Variants in LPP observed in about 807,000 individuals in gnomAD.
LPP encodes the protein lipoma-preferred partner.
A neutral mutation model predicts 60.4 loss-of-function variants in LPP; 38 were observed. The observed-to-expected ratio is 0.63, with a 90% CI of 0.49 to 0.83. LPP has a LOEUF of 0.83. Among genes scored for constraint, LPP ranks in the 40% least tolerant of loss-of-function variants. The pLI is 0.00. For synonymous variants in LPP, 328 were observed against 290.8 expected, an observed-to-expected ratio of 1.13 and a Z score of -1.30; for missense variants, 902 against 783.6, an observed-to-expected ratio of 1.15 and a Z score of -1.80.
At chr3:188,685,873 CTTATTTA>C (rs1287903207) in intron 7 of LPP, among the ~76,000 whole-genome samples, 1 of 152,094 alleles carries the variant, frequency 6.6e-6, no homozygotes, top group Non-Finnish European at 1.5e-5. Context: ...CCATTTATGA[CTTATTTA>C]TTATTTATCC....
intron 9 of LPP, among the ~76,000 whole-genome samples, chr3:188,852,625 C>G (rs1386604538): frequency 6.6e-6 from 1 of 152,198 alleles, no homozygotes; most frequent in African/African-American, 2.4e-5. Flanking sequence ...TCTTGACCTT[C>G]TGCCTTCTGC....
chr3:188,167,963 A>T (rs1195519215), intron 1 of LPP, among the ~76,000 whole-genome samples: 4 of 152,244 alleles, frequency 2.6e-5, no homozygotes. Context: ...ATTACTAAAA[A>T]AATTTCCCAA....
intron 1 of LPP, chr3:188,179,052 GA>G: frequency 3.2e-6 from 1 of 312,150 alleles, no homozygotes; most frequent in Non-Finnish European, 6.4e-6. Context: ...GAGAGAGAGA[GA>G]GAGAGAGAGA....
At chr3:188,439,106 A>T (rs1037660598) in intron 4 of LPP, among the ~76,000 whole-genome samples, 1 of 152,110 alleles carries the variant, frequency 6.6e-6, no homozygotes, top group Non-Finnish European at 1.5e-5. Context: ...TTGATTTATT[A>T]TTGTCATTTT....
intron 9 of LPP, among the ~76,000 whole-genome samples, chr3:188,801,936 A>G (rs1747393911): frequency 1.3e-5 from 2 of 152,214 alleles, no homozygotes; most frequent in African/African-American, 4.8e-5. Context: ...TTGAACGGTA[A>G]CTGCAGGAAT....
chr3:188,796,500 A>C (rs1745389870), intron 9 of LPP, among the ~76,000 whole-genome samples: 1 of 152,150 alleles, frequency 6.6e-6, no homozygotes, highest in Non-Finnish European at 1.5e-5. Context: ...AAGCAACATC[A>C]TGAGTAAGTG....
Position 188,361,510 on chromosome 3 carries a change from CCCTCTCCTCT to C in LPP, c.-10+19816_-10+19825del, listed in dbSNP as rs1335595790. ...TTTCTTCTCCTTTCCTTTTCCTTTTCCCTCTCCTCTCCTCTCCTCTCCTCTCCTCTCCTCC... is the reference window on the plus strand; with the variant it reads ...TTTCTTCTCCTTTCCTTTTCCTTTTCCCTCTCCTCTCCTCTCCTCTCCTCC... On this transcript the variant is annotated intron_variant, in intron 3 of 11. Transcript: ENST00000617246. 9.5e-3 allele frequency among the ~76,000 whole-genome samples: 786 copies of C among 82,710 alleles called. 11 individuals carry two copies. Among genetic ancestry groups the C allele is most frequent in the Middle Eastern group, 0.04 (5 of 124 alleles). The allele number at this position is 82,710 out of a possible 152,430, so 54.3% of individuals were successfully genotyped here.
chr3:188,605,181 A>C (rs1015524109), intron 6 of LPP, among the ~76,000 whole-genome samples: 1 of 152,200 alleles, frequency 6.6e-6, no homozygotes, highest in Admixed American at 6.6e-5. Flanking sequence ...CTCATTGAAA[A>C]ACAGTCGTGG....
intron 3 of LPP, among the ~76,000 whole-genome samples, chr3:188,386,408 A>G (rs140117728): frequency 1.3e-5 from 2 of 152,114 alleles, no homozygotes; most frequent in East Asian, 3.9e-4. Flanking sequence ...CTGGGACCTA[A>G]TTACAACCCC....
At chr3:188,291,866 CAA>C (rs1746102702) in intron 2 of LPP, among the ~76,000 whole-genome samples, 1 of 152,098 alleles carries the variant, frequency 6.6e-6, no homozygotes, top group Non-Finnish European at 1.5e-5. Flanking sequence ...GTTCTGGATG[CAA>C]ACCCAGAACA....
intron 4 of LPP, among the ~76,000 whole-genome samples, chr3:188,457,875 C>T (rs7631344): frequency 0.033 from 4,967 of 152,094 alleles, 292 homozygotes; most frequent in African/African-American, 0.12. Flanking sequence ...CGCCCCTGCA[C>T]TCCAGCCTGG....
chr3:188,442,056 T>A (rs1298998289), intron 4 of LPP, among the ~76,000 whole-genome samples: 1 of 152,184 alleles, frequency 6.6e-6, no homozygotes, highest in African/African-American at 2.4e-5. Context: ...GGGCACTAGG[T>A]GCTTAGCAAT....
chr3:188,558,704 A>G (rs987069439), intron 6 of LPP, among the ~76,000 whole-genome samples: 1 of 152,114 alleles, frequency 6.6e-6, no homozygotes, highest in African/African-American at 2.4e-5. Flanking sequence ...TAGCATTACC[A>G]TGACTGACAG....
intron 1 of LPP, among the ~76,000 whole-genome samples, chr3:188,162,660 G>A (rs192993173): frequency 2.6e-5 from 4 of 152,268 alleles, no homozygotes; most frequent in Admixed American, 2.6e-4. Flanking sequence ...GAACATCCCT[G>A]AGCCTAAATT....
intron 6 of LPP, among the ~76,000 whole-genome samples, chr3:188,594,846 C>T (rs1450794910): frequency 6.6e-6 from 1 of 152,206 alleles, no homozygotes; most frequent in Admixed American, 6.5e-5. Context: ...TCTGTATTGA[C>T]ACCACTCATA....
At chr3:188,501,085 A>G (rs886630609) in intron 5 of LPP, among the ~76,000 whole-genome samples, 4 of 151,890 alleles carry the variant, frequency 2.6e-5, no homozygotes, top group African/African-American at 9.7e-5. Flanking sequence ...CCCTTCTGGT[A>G]GATTTGGGTA....
intron 8 of LPP, among the ~76,000 whole-genome samples, chr3:188,716,615 T>C (rs1306529635): frequency 6.6e-6 from 1 of 152,156 alleles, no homozygotes; most frequent in Admixed American, 6.5e-5. Flanking sequence ...GAAAAGGAAT[T>C]TGACTTAATA....
At chr3:188,708,839 C>T in intron 8 of LPP, 1 of 197,762 alleles carries the variant, frequency 5.1e-6, no homozygotes, top group Non-Finnish European at 1.0e-5. Flanking sequence ...TGCCACTGCA[C>T]TCCAGCCTGG....
At chr3:188,576,431 T>C (rs1012978994) in intron 6 of LPP, among the ~76,000 whole-genome samples, 6 of 152,168 alleles carry the variant, frequency 3.9e-5, no homozygotes, top group Non-Finnish European at 4.4e-5. Context: ...CATTACCTAG[T>C]ACCTCTATGA....
Sources: gnomAD v4.1 joint callset for allele counts (sites outside exome capture counted in the v4.1 genomes callset) on GRCh38, gnomAD v4.1.1 for gene constraint, MANE v1.5 for transcripts, NCBI Gene and HGNC (gene_info 2026-07-23, HGNC 2026-07-21) for gene names.